The following ARHGAP40 variants were observed in gnomAD, a reference collection of about 807,000 sequenced individuals.
The protein encoded by ARHGAP40 is Rho GTPase activating protein 40, also known as rho GTPase-activating protein 40.
In ARHGAP40, 43 loss-of-function variants were observed where a neutral mutation model predicts 73.5. The ratio of observed to expected loss-of-function variants is 0.58; its 90% CI spans 0.46 to 0.75. ARHGAP40 has a LOEUF of 0.75. Among genes scored for constraint, ARHGAP40 ranks in the 30% least tolerant of loss-of-function variants. The pLI, the probability that ARHGAP40 is intolerant of heterozygous loss-of-function variation, is 0.00. For missense variants in ARHGAP40, 734 were observed against 861.8 expected, an observed-to-expected ratio of 0.85 and a Z score of 1.86; for synonymous variants, 300 against 352.8, an observed-to-expected ratio of 0.85 and a Z score of 1.68.
chr20:38,610,173 C>A (rs1057123670), intron 1 of ARHGAP40, among the ~76,000 whole-genome samples: 73 of 151,882 alleles, frequency 4.8e-4, no homozygotes, highest in African/African-American at 1.7e-3. Flanking sequence ...TTATGCATCT[C>A]TGTGTGTGTG....
chr20:38,614,949 G>A, intron 1 of ARHGAP40: 1 of 1,298,078 alleles, frequency 7.7e-7, no homozygotes, highest in East Asian at 2.3e-5. Flanking sequence ...CCGAAGGCTG[G>A]AGGTTTGTGC....
chr20:38,617,467 G>A (rs2088848850), intron 1 of ARHGAP40, among the ~76,000 whole-genome samples: 1 of 152,150 alleles, frequency 6.6e-6, no homozygotes, highest in Non-Finnish European at 1.5e-5. Context: ...TTATGGACTT[G>A]GAAGCTGAGG....
At chr20:38,629,535 G>A (rs1185948763) in exon 5 of ARHGAP40, 1 of 1,305,416 alleles carries the variant, frequency 7.7e-7, no homozygotes, top group Non-Finnish European at 1.0e-6. Context: ...GAGCAGGCTG[G>A]GAGGGAAGAA....
In ARHGAP40 at chr20:38,621,372, AC is replaced by A. The variant is rs1286923964; in HGVS notation, c.138-1984del. 5.3e-5 allele frequency among the ~76,000 whole-genome samples: 8 copies of A among 152,200 alleles called. No individual in the cohort carries two copies. In the East Asian group the frequency reaches 1.3e-3, roughly 26 times the overall value. On this transcript the variant is annotated intron_variant, in intron 1 of 14. Transcript: ENST00000373345. ...TTTGTGATATTGATGAATAGAAACAACCCAAATCTCCATCAAAAGGAAATGG... is the reference window on the plus strand; with the variant it reads ...TTTGTGATATTGATGAATAGAAACAACCAAATCTCCATCAAAAGGAAATGG...
chr20:38,606,948 G>A (rs2088773440), intron 1 of ARHGAP40, among the ~76,000 whole-genome samples: 1 of 152,154 alleles, frequency 6.6e-6, no homozygotes, highest in African/African-American at 2.4e-5. Context: ...GTGGACCTCT[G>A]GGGAAGTTAC....
chr20:38,602,076 G>T, exon 1 of ARHGAP40: 1 of 1,284,826 alleles, frequency 7.8e-7, no homozygotes, highest in Non-Finnish European at 1.0e-6. Flanking sequence ...GACCTGGGCT[G>T]CAGGTACAGG....
intron 5 of ARHGAP40, among the ~76,000 whole-genome samples, chr20:38,633,820 C>T (rs1304833454): frequency 1.3e-5 from 2 of 152,138 alleles, no homozygotes; most frequent in Non-Finnish European, 2.9e-5. Context: ...CTAGATGGCA[C>T]GGTTGAGCAT....
chr20:38,614,601 C>T (rs1345992761), intron 1 of ARHGAP40, among the ~76,000 whole-genome samples: 1 of 152,202 alleles, frequency 6.6e-6, no homozygotes, highest in African/African-American at 2.4e-5. Flanking sequence ...TGACGGTTTC[C>T]ATGCAGGAGA....
chr20:38,619,498 C>G (rs755307226), intron 1 of ARHGAP40, among the ~76,000 whole-genome samples: 1 of 151,464 alleles, frequency 6.6e-6, no homozygotes, highest in Non-Finnish European at 1.5e-5. Flanking sequence ...TGAGGAGTGG[C>G]TCTCAGAGTG....
intron 1 of ARHGAP40, among the ~76,000 whole-genome samples, chr20:38,608,826 A>G (rs963160325): frequency 6.6e-6 from 1 of 152,126 alleles, no homozygotes; most frequent in Non-Finnish European, 1.5e-5. Flanking sequence ...TGTCGGTAGG[A>G]CTGTGATCCT....
chr20:38,635,689 C>T (rs1242177729), intron 6 of ARHGAP40, among the ~76,000 whole-genome samples: 1 of 151,360 alleles, frequency 6.6e-6, no homozygotes, highest in African/African-American at 2.4e-5. Context: ...ACTATGAGAC[C>T]CTGTTTCATA....
intron 1 of ARHGAP40, among the ~76,000 whole-genome samples, chr20:38,616,631 T>G (rs1431058847): frequency 6.6e-6 from 1 of 152,234 alleles, no homozygotes; most frequent in Non-Finnish European, 1.5e-5. Flanking sequence ...TCAGGTAACC[T>G]TGCAGAAGTC....
At chr20:38,631,536 T>C (rs1000349825) in intron 5 of ARHGAP40, among the ~76,000 whole-genome samples, 1 of 152,084 alleles carries the variant, frequency 6.6e-6, no homozygotes, top group Non-Finnish European at 1.5e-5. Context: ...TTATTCACTA[T>C]CACAAGAACA....
chr20:38,615,395 G>T (rs1406762894), intron 1 of ARHGAP40: 4 of 734,126 alleles, frequency 5.4e-6, no homozygotes, highest in Non-Finnish European at 1.0e-5. Flanking sequence ...ACCCCAATGA[G>T]GTAGCTCTTG....
chr20:38,642,385 C>CA (rs1235367173), intron 10 of ARHGAP40, among the ~76,000 whole-genome samples: 1 of 152,220 alleles, frequency 6.6e-6, no homozygotes, highest in Non-Finnish European at 1.5e-5. Context: ...GATGTGCCTC[C>CA]AGGATCAGCC....
At chr20:38,633,686 C>T (rs1334388252) in intron 5 of ARHGAP40, among the ~76,000 whole-genome samples, 1 of 152,248 alleles carries the variant, frequency 6.6e-6, no homozygotes, top group African/African-American at 2.4e-5. Flanking sequence ...TCGAAAGGGG[C>T]ACTGGGAAGT....
chr20:38,640,174 T>C (rs60121542), intron 9 of ARHGAP40, among the ~76,000 whole-genome samples: 2 of 45,576 alleles, frequency 4.4e-5, no homozygotes, highest in South Asian at 1.1e-3. Context: ...TTTCTTCTTC[T>C]TTCTTCTTTT....
intron 5 of ARHGAP40, among the ~76,000 whole-genome samples, chr20:38,633,929 GGT>G (rs775674531): frequency 1.1e-4 from 16 of 152,198 alleles, no homozygotes; most frequent in Non-Finnish European, 2.2e-4. Flanking sequence ...AAGCCCATGG[GGT>G]GATCCCTCTT....
intron 1 of ARHGAP40, chr20:38,614,779 T>C (rs975368711): frequency 1.6e-6 from 1 of 634,400 alleles, no homozygotes; most frequent in African/African-American, 1.8e-5. Context: ...TCCAACAATG[T>C]CATGAATCCA....
Sources: allele counts gnomAD v4.1 joint callset (sites outside exome capture counted in the v4.1 genomes callset), GRCh38; gene constraint gnomAD v4.1.1; transcripts MANE v1.5; gene names NCBI Gene and HGNC (gene_info 2026-07-23, HGNC 2026-07-21).